The following SNX14 variants were observed in gnomAD, a reference collection of about 807,000 sequenced individuals.
SNX14 encodes sorting nexin 14, also known as sorting nexin-14.
Under a neutral mutation model 133.8 loss-of-function variants are expected in SNX14, and 93 were observed. The observed-to-expected ratio is 0.70, with a 90% confidence interval of 0.59 to 0.83. The LOEUF is 0.83. SNX14 is among the 40% of genes least tolerant of loss of function. The pLI is 0.00. For missense variants in SNX14, 945 were observed against 1,094.9 expected (o/e 0.86, Z 1.93); for synonymous variants, 368 against 365.6 (o/e 1.01, Z -0.07).
At chr6:85,560,353 C>T (rs1791130477) in intron 6 of SNX14, among the ~76,000 whole-genome samples, 1 of 152,018 alleles carries the variant, frequency 6.6e-6, no homozygotes, top group Non-Finnish European at 1.5e-5. Context: ...ACCTTGAGAA[C>T]ATTATGCTGA....
intron 19 of SNX14, among the ~76,000 whole-genome samples, chr6:85,529,264 CAAGGAAATGAAGGAAGGAAGGAAAT>C (rs1301933506): frequency 1.0e-4 from 15 of 143,826 alleles, no homozygotes; most frequent in Non-Finnish European, 1.7e-4. Flanking sequence ...AAGAGGGAAA[CAAGGAAATGAAGGAAGGAAGGAAAT>C]AAGGAAATGA....
intron 4 of SNX14, among the ~76,000 whole-genome samples, chr6:85,571,792 G>T (rs1274747143): frequency 6.6e-6 from 1 of 152,166 alleles, no homozygotes; most frequent in East Asian, 1.9e-4. Context: ...TCATAATTCA[G>T]TAAGCTATAT....
intron 7 of SNX14, among the ~76,000 whole-genome samples, chr6:85,554,855 T>A (rs1206533083): frequency 6.6e-6 from 1 of 152,280 alleles, no homozygotes; most frequent in South Asian, 2.1e-4. Context: ...GGTCTTGCTC[T>A]GTTGCCCAGG....
Position 85,547,486 on chromosome 6 carries a change from C to A in SNX14, c.912+20G>T. The A allele has an allele frequency of 6.2e-7, 1 of 1,605,608 alleles. No individual in the cohort carries two copies. On this transcript the variant is annotated intron_variant, in intron 10 of 28. Transcript: ENST00000314673. ...AATTCAATGCAATCTGAAGTGTTTT[C>A]TAATATATTCAATACTCACTGGACT... is the stretch of plus-strand genomic sequence containing the variant.
chr6:85,571,992 G>A (rs1427147150), intron 4 of SNX14, 145 bp downstream of exon 4: 2 of 622,888 alleles, frequency 3.2e-6, no homozygotes, highest in Middle Eastern at 4.3e-4. Context: ...AAGTTGTTTA[G>A]TCTGCAATAA....
intron 20 of SNX14, among the ~76,000 whole-genome samples, chr6:85,527,624 T>C (rs989793401): frequency 1.3e-5 from 2 of 152,142 alleles, no homozygotes; most frequent in Admixed American, 1.3e-4. Context: ...AAGCACTTGA[T>C]AAAGAAAGAT....
chr6:85,588,987 T>C, intron 1 of SNX14: 1 of 438,016 alleles, frequency 2.3e-6, no homozygotes, highest in Non-Finnish European at 4.6e-6. Flanking sequence ...TAGAAGGGGA[T>C]GCAGAAGTGG....
intron 1 of SNX14, chr6:85,589,842 T>C (rs1802257975): frequency 6.6e-6 from 1 of 152,258 alleles, no homozygotes; most frequent in Admixed American, 6.5e-5. Flanking sequence ...GTGTAATCCT[T>C]CCAAACTTTC....
intron 14 of SNX14, 145 bp downstream of exon 14, chr6:85,543,037 G>A (rs181702286): frequency 2.6e-6 from 2 of 770,130 alleles, no homozygotes; most frequent in East Asian, 3.4e-5. Context: ...CAAAGTGCTG[G>A]GATTATAGGC....
chr6:85,533,897 G>A, intron 17 of SNX14, 97 bp from the exon 18 acceptor site: 1 of 945,976 alleles, frequency 1.1e-6, no homozygotes. Context: ...CATATCAATT[G>A]ATAATTTTTA....
At chr6:85,518,164 GTATT>G (rs1775690600) in intron 21 of SNX14, 116 bp from the exon 22 acceptor site, 1 of 798,868 alleles carries the variant, frequency 1.3e-6, no homozygotes. Flanking sequence ...AACTGTAAAA[GTATT>G]TATGATTGAC....
chr6:85,572,500 T>C (rs994887013), intron 2 of SNX14, 126 bp from the exon 3 acceptor site: 1 of 711,022 alleles, frequency 1.4e-6, no homozygotes, highest in Admixed American at 3.0e-5. Flanking sequence ...TTTGTCTACT[T>C]TAACAGTGAA....
intron 1 of SNX14, among the ~76,000 whole-genome samples, chr6:85,590,316 C>A (rs957184574): frequency 1.3e-5 from 2 of 152,174 alleles, no homozygotes; most frequent in African/African-American, 4.8e-5. Context: ...GTGCTCATTT[C>A]TCTTCCTTAC....
intron 1 of SNX14, among the ~76,000 whole-genome samples, chr6:85,585,724 G>T (rs1047668422): frequency 6.6e-6 from 1 of 152,010 alleles, no homozygotes; most frequent in East Asian, 1.9e-4. Flanking sequence ...ATGGAGTAAA[G>T]CAATTCTACA....
chr6:85,561,347 CAA>C (rs879780457), intron 6 of SNX14: 15 of 114,834 alleles, frequency 1.3e-4, no homozygotes, highest in East Asian at 2.4e-4. Flanking sequence ...AACCCTGTCT[CAA>C]AAAAAAAAAA....
chr6:85,541,111 G>A (rs531279312), intron 15 of SNX14, among the ~76,000 whole-genome samples: 130 of 150,072 alleles, frequency 8.7e-4, no homozygotes, highest in African/African-American at 2.9e-3. Context: ...CTTCTGCTTC[G>A]CCTCCCAAGT....
At position 85,533,620 on chromosome 6, in the gene SNX14, C is replaced by T. The variant is rs1780948405; in HGVS notation, c.1789G>A (p.Glu597Lys). ...CTACCTGCTCTTCTATCATTTCTTTCAACATCAATACAAAACACAGGAATT... is the reference window on the plus strand; with the variant it reads ...CTACCTGCTCTTCTATCATTTCTTTTAACATCAATACAAAACACAGGAATT... ...ERIPVFCIDV[E>K]RNDRRAVGHE... The change falls in exon 18 of 29, where the codon GAA becomes AAA. Residue 597 changes from glutamate to lysine, a missense_variant. By Grantham distance (56) the Glu-to-Lys change is moderately conservative. This residue lies in a region of SNX14 where 412 missense variants were observed against 516.6 expected (regional missense o/e 0.80). Transcript: ENST00000314673. 1.9e-6 allele frequency: 3 copies of T among 1,613,016 alleles called. No homozygotes were observed. The African/African-American group carries it at 4.0e-5, about 22-fold the overall frequency.
chr6:85,583,010 G>A (rs1460063605), intron 1 of SNX14, among the ~76,000 whole-genome samples: 1 of 152,154 alleles, frequency 6.6e-6, no homozygotes, highest in Admixed American at 6.5e-5. Flanking sequence ...GAACATCGAT[G>A]CGAAAATCCT....
intron 6 of SNX14, among the ~76,000 whole-genome samples, chr6:85,558,861 AAGGCT>A (rs375998901): frequency 5.9e-5 from 9 of 152,178 alleles, no homozygotes; most frequent in African/African-American, 1.9e-4. Context: ...TTTCAACCTA[AAGGCT>A]AGAAGCTGCA....
Sources: gnomAD v4.1 joint callset for allele counts (sites outside exome capture counted in the v4.1 genomes callset) on GRCh38, gnomAD v4.1.1 for gene constraint, gnomAD v4.1.1 regional missense constraint, MANE v1.5 for transcripts, NCBI Gene and HGNC (gene_info 2026-07-23, HGNC 2026-07-21) for gene names.